The following CPEB2 variants were observed in gnomAD, a reference collection of about 807,000 sequenced individuals.
CPEB2 encodes the protein cytoplasmic polyadenylation element-binding protein 2.
A neutral mutation model predicts 93.6 loss-of-function variants in CPEB2; 56 were observed. The observed-to-expected ratio is 0.60, with a 90% confidence interval of 0.48 to 0.75. The LOEUF is 0.75. CPEB2 is among the 30% of genes least tolerant of loss of function. The probability of loss-of-function intolerance (pLI) is 0.00; values close to 1 mark genes in which losing one functional copy is unlikely to be tolerated. For synonymous variants in CPEB2, 764 were observed against 586.3 expected (o/e 1.30, Z -4.38); for missense variants, 1,579 against 1,395.1 (o/e 1.13, Z -2.10).
intron 5 of CPEB2, among the ~76,000 whole-genome samples, chr4:15,037,800 GT>G (rs947237970): frequency 6.6e-6 from 1 of 152,018 alleles, no homozygotes; most frequent in Admixed American, 6.6e-5. Flanking sequence ...TTTTATACAA[GT>G]TTTTCCTTTT....
At chr4:15,013,542 A>G (rs1032658388) in intron 3 of CPEB2, among the ~76,000 whole-genome samples, 12 of 151,986 alleles carry the variant, frequency 7.9e-5, no homozygotes, top group South Asian at 2.1e-4. Context: ...CATGAACACA[A>G]TTTTTCCTAA....
intron 6 of CPEB2, among the ~76,000 whole-genome samples, chr4:15,042,282 A>T (rs944126578): frequency 1.3e-5 from 2 of 152,172 alleles, no homozygotes; most frequent in African/African-American, 4.8e-5. Context: ...TTAGGAAGTA[A>T]TGTTATTATT....
chr4:15,054,222 G>A lies in CPEB2; in HGVS notation c.2461+5G>A. 3.1e-6 allele frequency: 5 copies of A among 1,598,314 alleles called. No homozygotes were observed. Among genetic ancestry groups the A allele is most frequent in the Non-Finnish European group, 4.3e-6 (5 of 1,169,888 alleles). ...AGTCCTATTTTCCACCAAAAGGTAAGGATTGTTATTGTTAATATTTGCTAG... is the reference window on the plus strand; with the variant it reads ...AGTCCTATTTTCCACCAAAAGGTAAAGATTGTTATTGTTAATATTTGCTAG... On this transcript the variant is annotated splice_donor_5th_base_variant and intron_variant, in intron 8 of 11. Coordinates refer to ENST00000538197, the MANE Select transcript of CPEB2 (RefSeq NM_001177382.2).
At chr4:15,050,338 C>T (rs1358516828) in intron 6 of CPEB2, among the ~76,000 whole-genome samples, 1 of 152,078 alleles carries the variant, frequency 6.6e-6, no homozygotes, top group African/African-American at 2.4e-5. Flanking sequence ...CAAAATCATC[C>T]CCCTGCTGTG....
intron 6 of CPEB2, among the ~76,000 whole-genome samples, chr4:15,049,607 G>C (rs989918759): frequency 6.6e-6 from 1 of 152,074 alleles, no homozygotes; most frequent in Non-Finnish European, 1.5e-5. Flanking sequence ...AGTAAAAATA[G>C]TTTCATGTTG....
chr4:15,039,490 T>A (rs2604575), intron 5 of CPEB2, among the ~76,000 whole-genome samples: 36,951 of 151,996 alleles, frequency 0.24, 6,616 homozygotes, highest in African/African-American at 0.5. Context: ...ATCTGTGAAT[T>A]TAAAATAAGA....
At chr4:15,058,692 C>A (rs555421543) in intron 9 of CPEB2, among the ~76,000 whole-genome samples, 153 bp downstream of exon 9, 1 of 152,266 alleles carries the variant, frequency 6.6e-6, no homozygotes, top group South Asian at 2.1e-4. Flanking sequence ...AGTCCCCAAC[C>A]CCTGGGCAGT....
intron 4 of CPEB2, among the ~76,000 whole-genome samples, chr4:15,022,644 T>C (rs1724943416): frequency 6.6e-6 from 1 of 152,088 alleles, no homozygotes; most frequent in Admixed American, 6.6e-5. Flanking sequence ...GGAAAAAAAA[T>C]TATTAACTTT....
At chr4:15,037,656 T>G (rs1291727684) in intron 5 of CPEB2, among the ~76,000 whole-genome samples, 1 of 152,192 alleles carries the variant, frequency 6.6e-6, no homozygotes, top group East Asian at 1.9e-4. Context: ...TCTCAAAGCC[T>G]TCTTATTTTT....
chr4:15,066,512 T>G lies in CPEB2; in HGVS notation c.*132T>G, dbSNP rs1729717752. ...CACCCCAGCTATCAATACATGCATC[T>G]TTATCAGCAGCCAAAACACTACAAG... On this transcript the variant is annotated 3_prime_UTR_variant, in exon 12 of 12. Coordinates refer to ENST00000538197, the MANE Select transcript of CPEB2 (RefSeq NM_001177382.2). The G allele has an allele frequency of 1.5e-6, 1 of 658,002 alleles. No homozygotes were observed. Among genetic ancestry groups the G allele is most frequent in the Non-Finnish European group, 2.6e-6 (1 of 380,016 alleles). 40.8% of individuals were successfully genotyped at this position (658,002 alleles called of 1,614,324 possible).
chr4:15,052,662 G>T (rs906170894), intron 7 of CPEB2, 78 bp downstream of exon 7: 38 of 939,824 alleles, frequency 4.0e-5, no homozygotes, highest in East Asian at 8.8e-5. Flanking sequence ...AATGTGAATG[G>T]ACTATGAAAG....
At chr4:15,051,238 T>C (rs1728193154) in intron 6 of CPEB2, among the ~76,000 whole-genome samples, 3 of 152,176 alleles carry the variant, frequency 2.0e-5, no homozygotes, top group South Asian at 4.1e-4. Flanking sequence ...GAAAAAGTTA[T>C]AATCTTGATT....
chr4:15,020,783 G>A (rs908712714), intron 4 of CPEB2, among the ~76,000 whole-genome samples: 8 of 152,144 alleles, frequency 5.3e-5, no homozygotes, highest in African/African-American at 1.9e-4. Context: ...TGCCCTCATT[G>A]TATAGCCTAC....
At chr4:15,055,522 A>G (rs1482051238) in intron 8 of CPEB2, among the ~76,000 whole-genome samples, 1 of 152,274 alleles carries the variant, frequency 6.6e-6, no homozygotes, top group Admixed American at 6.5e-5. Context: ...AATGTTCCCG[A>G]CTAAGCTACC....
rs563264583 is a variant in CPEB2, at chr4:15,031,382, T to A, written c.2126-1779T>A. Reference sequence around the variant, plus strand: ...GCAAGATGTTTAGAAATAGGCATATTTCCAAAATAAGCTATAATACTTCAA... The same window carrying A: ...GCAAGATGTTTAGAAATAGGCATATATCCAAAATAAGCTATAATACTTCAA... On this transcript the variant is annotated intron_variant, in intron 4 of 11. Transcript: ENST00000538197. 2.6e-5 allele frequency among the ~76,000 whole-genome samples: 4 copies of A among 152,250 alleles called. No homozygotes were observed. In the East Asian group the frequency reaches 7.7e-4, roughly 29 times the overall value.
At chr4:15,011,366 C>A (rs2108967213) in intron 3 of CPEB2, among the ~76,000 whole-genome samples, 1 of 152,226 alleles carries the variant, frequency 6.6e-6, no homozygotes, top group Admixed American at 6.5e-5. Flanking sequence ...CTCCAGAGTG[C>A]TGGGATTACA....
chr4:15,012,690 C>G (rs1166808572), intron 3 of CPEB2, among the ~76,000 whole-genome samples: 1 of 152,020 alleles, frequency 6.6e-6, no homozygotes, highest in Admixed American at 6.5e-5. Flanking sequence ...ACAATATTAG[C>G]ACTACATTGC....
intron 6 of CPEB2, among the ~76,000 whole-genome samples, chr4:15,040,969 A>G (rs1727119658): frequency 6.6e-6 from 1 of 152,086 alleles, no homozygotes; most frequent in African/African-American, 2.4e-5. Context: ...CATGTTGCTT[A>G]TATTTCTCTG....
chr4:15,003,039 C>A lies in CPEB2; in HGVS notation c.366C>A (p.His122Gln), dbSNP rs756416749. 1 of 1,511,768 alleles carries A rather than the reference C, an allele frequency of 6.6e-7. No homozygotes were observed. Among genetic ancestry groups the A allele is most frequent in the South Asian group, 1.2e-5 (1 of 80,804 alleles). 93.6% of individuals were successfully genotyped at this position (1,511,768 alleles called of 1,614,324 possible). ...CCACGGAGAAACTCCCCGACCACCA[C>A]CCCGGCGGCGGCACGATCGCGGGTG... ...AAATEKLPDHHPGGGTIAGVT... is the reference protein window; with the variant it reads ...AAATEKLPDHQPGGGTIAGVT... Residue 122 changes from histidine (H) to glutamine (Q), a missense_variant, in exon 1 of 12, where the codon CAC (histidine) becomes CAA (glutamine). Around this residue, in one of 2 missense-constraint regions of CPEB2, gnomAD observed 1,411 missense variants for 1,056.0 expected, o/e 1.34. Transcript: ENST00000538197.
Sources: gnomAD v4.1 joint callset for allele counts (sites outside exome capture counted in the v4.1 genomes callset) on GRCh38, gnomAD v4.1.1 for gene constraint, gnomAD v4.1.1 regional missense constraint, MANE v1.5 for transcripts, NCBI Gene and HGNC (gene_info 2026-07-23, HGNC 2026-07-21) for gene names.